Variants in IFTAP observed in about 807,000 individuals in gnomAD.
The protein encoded by IFTAP is intraflagellar transport associated protein.
Under a neutral mutation model 19.4 loss-of-function variants are expected in IFTAP, and 19 were observed. The observed-to-expected ratio is 0.98, with a 90% CI of 0.68 to 1.44. The LOEUF (loss-of-function observed/expected upper bound fraction) is 1.44, where lower values mean the gene tolerates loss of function less well. IFTAP is among the 40% of genes most tolerant of loss of function. The pLI, the probability that IFTAP is intolerant of heterozygous loss-of-function variation, is 0.00. For missense variants in IFTAP, 240 were observed against 253.6 expected, an observed-to-expected ratio of 0.95 and a Z score of 0.36; for synonymous variants, 85 against 83.5, an observed-to-expected ratio of 1.02 and a Z score of -0.10.
intron 1 of IFTAP, among the ~76,000 whole-genome samples, chr11:36,605,274 C>T (rs1033847272): frequency 6.7e-6 from 1 of 148,442 alleles, no homozygotes; most frequent in African/African-American, 2.5e-5. Context: ...TAACCACCTC[C>T]CCCCTGCCCC....
intron 2 of IFTAP, among the ~76,000 whole-genome samples, chr11:36,628,725 T>C (rs1852616626): frequency 6.6e-6 from 1 of 151,354 alleles, no homozygotes; most frequent in Admixed American, 6.5e-5. Flanking sequence ...TCTCTGTAAG[T>C]GCCTAACACT....
chr11:36,644,088 C>A (rs1853357270), intron 4 of IFTAP, among the ~76,000 whole-genome samples: 1 of 152,010 alleles, frequency 6.6e-6, no homozygotes, highest in South Asian at 2.1e-4. Flanking sequence ...AAAATGTTTG[C>A]AATCTACTCA....
chr11:36,600,834 C>G (rs954540120), intron 1 of IFTAP, among the ~76,000 whole-genome samples: 2 of 152,112 alleles, frequency 1.3e-5, no homozygotes, highest in Middle Eastern at 3.2e-3. Context: ...AATGGGATAT[C>G]CTGGCCTAGT....
At chr11:36,643,296 T>C (rs1853315018) in intron 4 of IFTAP, among the ~76,000 whole-genome samples, 1 of 152,184 alleles carries the variant, frequency 6.6e-6, no homozygotes. Context: ...ACAAGGGATG[T>C]GAAGGACCTC....
At chr11:36,614,415 G>C (rs369930906) in intron 2 of IFTAP, among the ~76,000 whole-genome samples, 1 of 148,796 alleles carries the variant, frequency 6.7e-6, no homozygotes, top group East Asian at 2.0e-4. Context: ...ATGATTTATA[G>C]TCCTTTGGGT....
intron 1 of IFTAP, chr11:36,594,858 C>CT (rs1187681518): frequency 6.6e-6 from 1 of 152,498 alleles, no homozygotes; most frequent in East Asian, 1.9e-4. Flanking sequence ...TTACGGTGTC[C>CT]TGCCTGTCTG....
At chr11:36,646,473 A>G (rs1415068635) in intron 4 of IFTAP, among the ~76,000 whole-genome samples, 1 of 152,136 alleles carries the variant, frequency 6.6e-6, no homozygotes, top group Non-Finnish European at 1.5e-5. Flanking sequence ...AACCTCATTG[A>G]ATTTTAAAAT....
intron 5 of IFTAP, among the ~76,000 whole-genome samples, chr11:36,652,159 T>C (rs1853766253): frequency 6.6e-6 from 1 of 152,204 alleles, no homozygotes; most frequent in South Asian, 2.1e-4. Context: ...ACCATTTTCA[T>C]GATATTGATT....
At chr11:36,603,814 C>G (rs899495791) in intron 1 of IFTAP, among the ~76,000 whole-genome samples, 10 of 151,460 alleles carry the variant, frequency 6.6e-5, no homozygotes, top group Admixed American at 2.6e-4. Flanking sequence ...CCTGGCTACT[C>G]AGGAGTCTGA....
intron 1 of IFTAP, among the ~76,000 whole-genome samples, chr11:36,596,511 A>C (rs1281225013): frequency 3.9e-5 from 6 of 152,208 alleles, no homozygotes; most frequent in Non-Finnish European, 8.8e-5. Context: ...ACCCAAGCCT[A>C]CATGAGGGAA....
At chr11:36,652,035 G>T (rs189725276) in intron 5 of IFTAP, among the ~76,000 whole-genome samples, 1 of 152,120 alleles carries the variant, frequency 6.6e-6, no homozygotes, top group Non-Finnish European at 1.5e-5. Flanking sequence ...GGCAATGCAG[G>T]CTCTTTTTTG....
At chr11:36,636,015 A>G in intron 3 of IFTAP, 36 bp from the exon 4 acceptor site, 1 of 1,459,116 alleles carries the variant, frequency 6.9e-7, no homozygotes, top group Non-Finnish European at 9.6e-7. Context: ...CTTTAGGTCT[A>G]TTCTGCTTAA....
intron 5 of IFTAP, among the ~76,000 whole-genome samples, chr11:36,652,696 A>G (rs1471586589): frequency 6.6e-6 from 1 of 152,144 alleles, no homozygotes; most frequent in Non-Finnish European, 1.5e-5. Flanking sequence ...GGTTTGTCAT[A>G]AGTAACTCTT....
At chr11:36,614,241 C>T (rs1013035827) in intron 2 of IFTAP, among the ~76,000 whole-genome samples, 36 of 145,046 alleles carry the variant, frequency 2.5e-4, no homozygotes, top group African/African-American at 8.5e-4. Context: ...CTACAAAGGA[C>T]ATGAACTCAT....
In IFTAP at chr11:36,633,245, T is replaced by G. The variant is rs17631012; in HGVS notation, c.137-39T>G. ...ACACAAAATAAACCAGACTTGGTAT[T>G]GTGGATGTTTTCTAATAGTGCATAA... On this transcript the variant is annotated intron_variant, in intron 2 of 5. Transcript: ENST00000334307. 10,790 of 1,411,330 alleles carry G rather than the reference T, an allele frequency of 7.6e-3. 68 individuals are homozygous for G. Among genetic ancestry groups the G allele is most frequent in the Non-Finnish European group, 9.1e-3 (9,862 of 1,083,504 alleles). 87.4% of individuals were successfully genotyped at this position (1,411,330 alleles called of 1,614,324 possible).
In IFTAP at chr11:36,598,699, T is replaced by C. The variant is rs543204530; in HGVS notation, c.-24+4107T>C. Among the ~76,000 whole-genome samples the C allele has an allele frequency of 5.3e-5, 8 of 152,256 alleles. No individual in the cohort carries two copies. In the South Asian group the frequency reaches 8.3e-4, roughly 16 times the overall value. ...AGGCAGCTACTGAGTAATAATACAG[T>C]GTAATGATTAAGAAAATGGGCTTTT... On this transcript the variant is annotated intron_variant, in intron 1 of 5. Transcript: ENST00000334307.
intron 2 of IFTAP, among the ~76,000 whole-genome samples, chr11:36,626,490 G>C (rs192432900): frequency 1.3e-5 from 2 of 151,058 alleles, no homozygotes; most frequent in East Asian, 1.9e-4. Context: ...CTGGTTGAAG[G>C]GCTGAATATA....
intron 5 of IFTAP, among the ~76,000 whole-genome samples, chr11:36,654,886 C>T (rs1423435570): frequency 6.6e-6 from 1 of 152,140 alleles, no homozygotes; most frequent in Non-Finnish European, 1.5e-5. Flanking sequence ...GAGTACTCTT[C>T]TGGCTCCAGG....
At chr11:36,620,399 T>C (rs1253712478) in intron 2 of IFTAP, among the ~76,000 whole-genome samples, 3 of 152,000 alleles carry the variant, frequency 2.0e-5, no homozygotes, top group Non-Finnish European at 4.4e-5. Context: ...CCTATTTCTT[T>C]TGTCATCACT....
Sources: allele counts gnomAD v4.1 joint callset (sites outside exome capture counted in the v4.1 genomes callset), GRCh38; gene constraint gnomAD v4.1.1; transcripts MANE v1.5; gene names NCBI Gene and HGNC (gene_info 2026-07-23, HGNC 2026-07-21).